Variants in RNF216 observed in about 807,000 individuals in gnomAD.
RNF216 encodes the protein ring finger protein 216.
In RNF216, 72 loss-of-function variants were observed where a neutral mutation model predicts 110.8. The ratio of observed to expected loss-of-function variants is 0.65; its 90% CI spans 0.54 to 0.79. The LOEUF (loss-of-function observed/expected upper bound fraction) is 0.79, where lower values mean the gene tolerates loss of function less well. Ranked by LOEUF, RNF216 falls within the 30% of genes least tolerant of loss-of-function variation. RNF216 has a pLI of 0.00. For missense variants in RNF216, 1,342 were observed against 1,141.2 expected, an observed-to-expected ratio of 1.18 and a Z score of -2.54; for synonymous variants, 495 against 407.5, an observed-to-expected ratio of 1.21 and a Z score of -2.59.
chr7:5,776,914 A>G (rs1253355538), intron 1 of RNF216, among the ~76,000 whole-genome samples: 1 of 148,196 alleles, frequency 6.7e-6, no homozygotes, highest in Non-Finnish European at 1.5e-5. Context: ...AAAAAAAAAA[A>G]AAAGAGAGAG....
intron 13 of RNF216, among the ~76,000 whole-genome samples, chr7:5,686,509 C>G (rs998902813): frequency 2.0e-5 from 3 of 152,124 alleles, no homozygotes; most frequent in Non-Finnish European, 4.4e-5. Context: ...GCTGCTTAAC[C>G]ATCAGTGCCT....
chr7:5,661,801 C>CAAACAA (rs996717150), intron 13 of RNF216, among the ~76,000 whole-genome samples: 22 of 152,076 alleles, frequency 1.4e-4, no homozygotes, highest in African/African-American at 5.1e-4. Context: ...AGACTCTGCT[C>CAAACAA]AAACAAAAAC....
intron 1 of RNF216, among the ~76,000 whole-genome samples, chr7:5,764,177 G>A (rs1341410567): frequency 3.5e-5 from 5 of 144,900 alleles, no homozygotes; most frequent in African/African-American, 1.3e-4. Context: ...TGGGAGACAA[G>A]AGCAAAACTC....
In RNF216 at chr7:5,741,359, C is replaced by T; in HGVS notation, c.658G>A (p.Asp220Asn). 6.2e-7 allele frequency: 1 copy of T among 1,614,184 alleles called. No homozygotes were observed. Among genetic ancestry groups the T allele is most frequent in the Non-Finnish European group, 8.5e-7 (1 of 1,180,028 alleles). The change falls in exon 4 of 17, where the codon GAT becomes AAT. Residue 220 changes from aspartate (D) to asparagine (N), a missense_variant. Transcript: ENST00000389902. ...SNLGESAALA[D>N]DQAIEEDCWL... ...CAGTCTTCTTCGATGGCCTGATCAT[C>T]TGCTAGAGCAGCTGACTCTCCTAGA...
chr7:5,763,924 C>G (rs1371165611), intron 1 of RNF216, among the ~76,000 whole-genome samples: 3 of 152,174 alleles, frequency 2.0e-5, no homozygotes, highest in Non-Finnish European at 1.5e-5. Flanking sequence ...CACGACAGCT[C>G]ATGGCTGTAA....
intron 13 of RNF216, among the ~76,000 whole-genome samples, chr7:5,683,217 A>G (rs1790769101): frequency 1.3e-5 from 2 of 152,178 alleles, no homozygotes; most frequent in African/African-American, 4.8e-5. Flanking sequence ...GGGCCAGTGG[A>G]ATCTATGTAG....
Position 5,715,083 on chromosome 7 carries a change from A to AT in RNF216, c.1802dup (p.Tyr601Ter). Residue 601 changes from tyrosine (Y) to a stop codon, truncating the protein, a stop_gained and frameshift_variant, in exon 11 of 17, where the codon TAT becomes TAAT. Coordinates refer to ENST00000389902, the MANE Select transcript of RNF216 (RefSeq NM_207111.4). LOFTEE classifies it high-confidence loss of function. ...CAGATCCAAAGACTGCCTCTTGGGCATATCTGATGAGACACTCTTTGCAGA... is the reference window on the plus strand; with the variant it reads ...CAGATCCAAAGACTGCCTCTTGGGCATTATCTGATGAGACACTCTTTGCAGA... ...HLFCKECLIRYAQEAVFGSGK... is the reference protein window; with the variant it reads ...HLFCKECLIR 6.2e-7 allele frequency: 1 copy of AT among 1,613,836 alleles called. No individual in the cohort carries two copies. Among genetic ancestry groups the AT allele is most frequent in the Non-Finnish European group, 8.5e-7 (1 of 1,179,970 alleles).
chr7:5,631,583 T>C (rs549396567), intron 15 of RNF216, among the ~76,000 whole-genome samples: 1 of 152,196 alleles, frequency 6.6e-6, no homozygotes, highest in Non-Finnish European at 1.5e-5. Flanking sequence ...ACCAAGTTAC[T>C]TGAATCCCAT....
rs1264481577 is a variant in RNF216, at chr7:5,741,759, T to C, written c.258A>G (p.Gln86=). 3 of 1,614,224 alleles carry C rather than the reference T, an allele frequency of 1.9e-6. No individual in the cohort carries two copies. The highest frequency in any genetic ancestry group is 2.2e-5 in the East Asian group (1 of 44,880). Residue 86 remains glutamine (Q), a synonymous_variant, in exon 4 of 17, where the codon CAA becomes CAG. Transcript: ENST00000389902. Reference sequence around the variant, plus strand: ...TTTCTTCTCCCAACCTTTTCAGATCTTGCCACTGGGCAGCTGGTTTGATGA... The same window carrying C: ...TTTCTTCTCCCAACCTTTTCAGATCCTGCCACTGGGCAGCTGGTTTGATGA... ...PNLIKPAAQW[Q]DLKRLGEERP...
At chr7:5,770,024 CAAAAAAAAAAAA>C (rs1163710982) in intron 1 of RNF216, among the ~76,000 whole-genome samples, 340 of 24,156 alleles carry the variant, frequency 0.014, 8 homozygotes, top group East Asian at 0.091. Context: ...AGACCCATCT[CAAAAAAAAAAAA>C]AAAAAAAAAA....
intron 1 of RNF216, among the ~76,000 whole-genome samples, chr7:5,773,307 A>G (rs1337915228): frequency 1.3e-5 from 2 of 151,400 alleles, no homozygotes; most frequent in African/African-American, 2.4e-5. Flanking sequence ...CAGTGGTGCA[A>G]TCTCAGCTCA....
At chr7:5,663,317 A>C (rs1371676962) in intron 13 of RNF216, among the ~76,000 whole-genome samples, 1 of 152,164 alleles carries the variant, frequency 6.6e-6, no homozygotes, top group Non-Finnish European at 1.5e-5. Flanking sequence ...ATGGTGGCTT[A>C]CGCCTGTAAT....
Position 5,730,758 on chromosome 7 carries a change from A to C in RNF216, c.1181T>G (p.Ile394Arg), listed in dbSNP as rs1280001433. Residue 394 changes from isoleucine (I) to arginine (R), a missense_variant, in exon 6 of 17, where the codon ATA becomes AGA. By Grantham distance (97) the Ile-to-Arg change is moderately conservative (BLOSUM62 -3). Coordinates refer to ENST00000389902, the MANE Select transcript of RNF216 (RefSeq NM_207111.4). ...GGCCAGCAGACTGCTACTGGGATTTATAATGATTCTGTCTTCTCTCTTTGG... is the reference window on the plus strand; with the variant it reads ...GGCCAGCAGACTGCTACTGGGATTTCTAATGATTCTGTCTTCTCTCTTTGG... Reference protein sequence around the residue: ...DYPKREDRIIINPSSSLLASQ... With the variant: ...DYPKREDRIIRNPSSSLLASQ... The C allele has an allele frequency of 6.2e-7, 1 of 1,611,268 alleles. No homozygotes were observed. The highest frequency in any genetic ancestry group is 1.1e-5 in the South Asian group (1 of 90,900).
intron 14 of RNF216, among the ~76,000 whole-genome samples, chr7:5,646,545 T>C (rs896708503): frequency 6.6e-5 from 10 of 151,590 alleles, no homozygotes; most frequent in Non-Finnish European, 1.2e-4. Context: ...TACAAAAAAT[T>C]AGCTGGGTGT....
chr7:5,777,621 T>C (rs1300841622), intron 1 of RNF216: 1 of 152,194 alleles, frequency 6.6e-6, no homozygotes, highest in Non-Finnish European at 1.5e-5. Flanking sequence ...GACCACAGGA[T>C]GGTGATGCTA....
At chr7:5,655,029 G>T (rs1237058463) in intron 13 of RNF216, among the ~76,000 whole-genome samples, 2 of 152,228 alleles carry the variant, frequency 1.3e-5, no homozygotes, top group East Asian at 3.8e-4. Flanking sequence ...CCTTCCAGGA[G>T]TAACAGCTTG....
intron 13 of RNF216, among the ~76,000 whole-genome samples, chr7:5,656,561 C>T (rs1562795543): frequency 6.6e-6 from 1 of 152,150 alleles, no homozygotes. Context: ...CCCGCCCTCT[C>T]AGGGGGGAAG....
intron 13 of RNF216, among the ~76,000 whole-genome samples, chr7:5,705,015 T>C (rs779329332): frequency 6.6e-6 from 1 of 152,184 alleles, no homozygotes; most frequent in Non-Finnish European, 1.5e-5. Context: ...TGAAAAAACA[T>C]ACTTTAAACT....
At chr7:5,698,384 T>TAC (rs376096873) in intron 13 of RNF216, among the ~76,000 whole-genome samples, 7,579 of 145,310 alleles carry the variant, frequency 0.052, 297 homozygotes, top group African/African-American at 0.097. Flanking sequence ...GATTCTTTTA[T>TAC]ACACACACAC....
Sources: allele counts gnomAD v4.1 joint callset (sites outside exome capture counted in the v4.1 genomes callset), GRCh38; gene constraint gnomAD v4.1.1; transcripts MANE v1.5; gene names NCBI Gene and HGNC (gene_info 2026-07-23, HGNC 2026-07-21).